The following TTBK2 variants were observed in gnomAD, a reference collection of about 807,000 sequenced individuals.
TTBK2 encodes the protein tau-tubulin kinase 2.
Under a neutral mutation model 110.8 loss-of-function variants are expected in TTBK2, and 28 were observed. The observed-to-expected ratio is 0.25, with a 90% CI of 0.19 to 0.35. The LOEUF (loss-of-function observed/expected upper bound fraction) is 0.35. Ranked by LOEUF, TTBK2 falls within the 10% of genes least tolerant of loss-of-function variation. The pLI, the probability that TTBK2 is intolerant of heterozygous loss-of-function variation, is 1.00. For synonymous variants in TTBK2, 532 were observed against 527.3 expected, an observed-to-expected ratio of 1.01 and a Z score of -0.12; for missense variants, 1,369 against 1,500.3, an observed-to-expected ratio of 0.91 and a Z score of 1.45.
At chr15:42,773,908 C>T (rs566477150) in intron 13 of TTBK2, among the ~76,000 whole-genome samples, 2 of 152,272 alleles carry the variant, frequency 1.3e-5, no homozygotes, top group South Asian at 2.1e-4. Context: ...CAGCCCTGTG[C>T]CAAGATGCAC....
At chr15:42,800,290 C>T in intron 9 of TTBK2, 1 of 438,692 alleles carries the variant, frequency 2.3e-6, no homozygotes, top group South Asian at 1.7e-5. Context: ...CTATATGCAG[C>T]CTACATAGAT....
chr15:42,876,293 G>C (rs907573328), intron 2 of TTBK2, among the ~76,000 whole-genome samples: 2 of 151,882 alleles, frequency 1.3e-5, no homozygotes, highest in African/African-American at 2.4e-5. Context: ...CCAAATTTTG[G>C]AGATAAGTTG....
intron 1 of TTBK2, among the ~76,000 whole-genome samples, chr15:42,913,555 G>A (rs1596054908): frequency 6.6e-6 from 1 of 151,800 alleles, no homozygotes; most frequent in African/African-American, 2.4e-5. Context: ...GGAGAATGGC[G>A]TGAACCCGGG....
At chr15:42,860,560 C>G (rs576890972) in intron 3 of TTBK2, among the ~76,000 whole-genome samples, 6 of 151,562 alleles carry the variant, frequency 4.0e-5, no homozygotes, top group Non-Finnish European at 7.4e-5. Context: ...CAACTGAACT[C>G]CTTGAGCCCA....
chr15:42,800,851 T>C (rs1289113694), intron 9 of TTBK2: 1 of 591,676 alleles, frequency 1.7e-6, no homozygotes, highest in East Asian at 2.8e-5. Context: ...GCGGATGGGC[T>C]GAGGGCTAGG....
chr15:42,825,881 A>G (rs1344623400), intron 6 of TTBK2, among the ~76,000 whole-genome samples: 1 of 152,140 alleles, frequency 6.6e-6, no homozygotes, highest in Non-Finnish European at 1.5e-5. Flanking sequence ...CTTGAGGAAG[A>G]AAAAGGGATA....
chr15:42,775,797 G>T lies in TTBK2; in HGVS notation c.1410-74C>A, dbSNP rs1055552830. 46 of 1,180,536 alleles carry T rather than the reference G, an allele frequency of 3.9e-5. No homozygotes were observed. In the East Asian group the frequency reaches 9.9e-4, roughly 25 times the overall value. 73.1% of individuals were successfully genotyped at this position (1,180,536 alleles called of 1,614,324 possible). A position where few individuals can be genotyped will look rare whatever the true frequency, so the allele number is the denominator to read the frequency against. On this transcript the variant is annotated intron_variant, in intron 12 of 14. Transcript: ENST00000267890. Reference sequence around the variant, plus strand: ...TTATATAATATATAAGCTCCATAAAGAACTAATATGGACACAAAGATGAGA... The same window carrying T: ...TTATATAATATATAAGCTCCATAAATAACTAATATGGACACAAAGATGAGA...
At chr15:42,867,636 C>A (rs1158888769) in intron 3 of TTBK2, among the ~76,000 whole-genome samples, 1 of 152,160 alleles carries the variant, frequency 6.6e-6, no homozygotes, top group Non-Finnish European at 1.5e-5. Flanking sequence ...AATGAGATGT[C>A]ACTACACACC....
intron 12 of TTBK2, among the ~76,000 whole-genome samples, chr15:42,776,413 G>C (rs1201589603): frequency 2.0e-5 from 3 of 152,190 alleles, no homozygotes; most frequent in African/African-American, 7.2e-5. Context: ...ATCAAAATTT[G>C]TTGTAGGGAT....
intron 13 of TTBK2, among the ~76,000 whole-genome samples, chr15:42,770,471 A>G (rs1169742369): frequency 6.6e-6 from 1 of 152,224 alleles, no homozygotes; most frequent in East Asian, 1.9e-4. Flanking sequence ...CAACCATTGC[A>G]TGCTGAGGTT....
chr15:42,824,271 A>C (rs775743413), intron 6 of TTBK2, among the ~76,000 whole-genome samples: 2 of 152,168 alleles, frequency 1.3e-5, no homozygotes, highest in Non-Finnish European at 2.9e-5. Flanking sequence ...TGGTTATATG[A>C]ATCTATACAT....
intron 3 of TTBK2, among the ~76,000 whole-genome samples, chr15:42,856,787 C>T (rs925820666): frequency 6.6e-6 from 1 of 152,122 alleles, no homozygotes. Flanking sequence ...TAATGCCAGG[C>T]GTGATGGCTC....
chr15:42,908,412 A>C (rs2030542701), intron 1 of TTBK2: 1 of 152,300 alleles, frequency 6.6e-6, no homozygotes, highest in Admixed American at 6.5e-5. Flanking sequence ...TCAAAGCTGC[A>C]GTGAGCCATG....
intron 13 of TTBK2, among the ~76,000 whole-genome samples, chr15:42,760,102 T>C (rs917274981): frequency 6.6e-6 from 1 of 152,128 alleles, no homozygotes. Context: ...AAGAATTAAA[T>C]GGGCCGGGTG....
At chr15:42,860,998 A>C (rs1341144855) in intron 3 of TTBK2, among the ~76,000 whole-genome samples, 2 of 152,056 alleles carry the variant, frequency 1.3e-5, no homozygotes, top group African/African-American at 4.8e-5. Flanking sequence ...AACCAACAAC[A>C]ATCAAGAAGG....
intron 10 of TTBK2, among the ~76,000 whole-genome samples, chr15:42,787,129 A>AT (rs577799685): frequency 2.6e-5 from 4 of 151,326 alleles, no homozygotes; most frequent in African/African-American, 9.7e-5. Context: ...CTGCTTACCT[A>AT]TTTTTTTTTA....
rs918093694 is a variant in TTBK2, at chr15:42,920,476, T to G, written c.-106A>C. 4.6e-5 allele frequency: 7 copies of G among 152,434 alleles called. No homozygotes were observed. Among genetic ancestry groups the G allele is most frequent in the African/African-American group, 1.7e-4 (7 of 41,392 alleles). 9.4% of individuals were successfully genotyped at this position (152,434 alleles called of 1,614,324 possible). A position where few individuals can be genotyped will look rare whatever the true frequency, so the allele number is the denominator to read the frequency against. ...GACGCAGGGGTTTCTGGAGGAGGGCTCTGGTCCAGCTCAGGACCGGGACCG... is the reference window on the plus strand; with the variant it reads ...GACGCAGGGGTTTCTGGAGGAGGGCGCTGGTCCAGCTCAGGACCGGGACCG... On this transcript the variant is annotated 5_prime_UTR_variant, in exon 1 of 15. Transcript: ENST00000267890.
chr15:42,779,889 C>T (rs763677040), intron 11 of TTBK2, among the ~76,000 whole-genome samples: 7 of 151,752 alleles, frequency 4.6e-5, no homozygotes, highest in African/African-American at 1.7e-4. Flanking sequence ...GGACGAGGCA[C>T]GAGAATCACA....
chr15:42,906,852 T>G (rs1315040089), intron 1 of TTBK2, among the ~76,000 whole-genome samples: 2 of 151,790 alleles, frequency 1.3e-5, no homozygotes, highest in African/African-American at 4.8e-5. Context: ...ATCTGATTTT[T>G]AAATGGGCAA....
Sources: gnomAD v4.1 joint callset for allele counts (sites outside exome capture counted in the v4.1 genomes callset) on GRCh38, gnomAD v4.1.1 for gene constraint, MANE v1.5 for transcripts, NCBI Gene and HGNC (gene_info 2026-07-23, HGNC 2026-07-21) for gene names.